The following SUGCT variants were observed in gnomAD, a reference collection of about 807,000 sequenced individuals.
The protein encoded by SUGCT is succinyl-CoA:glutarate-CoA transferase, also known as succinyl-CoA:glutarate CoA-transferase.
SUGCT carries 41 observed loss-of-function variants against 55.0 expected under a neutral mutation model. The observed-to-expected ratio is 0.74, with a 90% CI of 0.58 to 0.97. SUGCT has a LOEUF of 0.97. SUGCT is among the 50% of genes least tolerant of loss of function. The pLI is 0.00. For missense variants in SUGCT, 568 were observed against 547.8 expected (o/e 1.04, Z -0.37); for synonymous variants, 187 against 200.4 (o/e 0.93, Z 0.56).
intron 12 of SUGCT, among the ~76,000 whole-genome samples, chr7:40,536,900 C>A (rs1794393589): frequency 6.6e-6 from 1 of 152,128 alleles, no homozygotes; most frequent in South Asian, 2.1e-4. Flanking sequence ...CTAAGTTATG[C>A]ACTGAATGGC....
At chr7:40,592,798 A>G (rs563354543) in intron 12 of SUGCT, among the ~76,000 whole-genome samples, 1 of 152,306 alleles carries the variant, frequency 6.6e-6, no homozygotes, top group African/African-American at 2.4e-5. Flanking sequence ...CCCATGATCA[A>G]GGAGGTAAAG....
intron 12 of SUGCT, among the ~76,000 whole-genome samples, chr7:40,501,543 T>C (rs954444613): frequency 6.6e-6 from 1 of 152,154 alleles, no homozygotes; most frequent in Non-Finnish European, 1.5e-5. Context: ...TTTGGACACA[T>C]TTTTTATGGA....
chr7:40,517,475 C>T (rs190668920), intron 12 of SUGCT, among the ~76,000 whole-genome samples: 1 of 152,156 alleles, frequency 6.6e-6, no homozygotes, highest in Admixed American at 6.5e-5. Context: ...ATAAAGTTTA[C>T]TGTGTTCTTT....
intron 12 of SUGCT, chr7:40,539,644 C>A (rs1794565297): frequency 6.6e-6 from 1 of 152,194 alleles, no homozygotes; most frequent in South Asian, 2.1e-4. Flanking sequence ...GGTGGCTCCT[C>A]TTCTTTGGAC....
At chr7:40,151,097 AGGCGTGGT>A (rs1008019505) in intron 1 of SUGCT, among the ~76,000 whole-genome samples, 2 of 151,800 alleles carry the variant, frequency 1.3e-5, no homozygotes, top group Non-Finnish European at 2.9e-5. Flanking sequence ...AAAATTAGCT[AGGCGTGGT>A]GGCGTGCACC....
At chr7:40,829,212 G>A (rs185218289) in intron 13 of SUGCT, among the ~76,000 whole-genome samples, 91 of 152,222 alleles carry the variant, frequency 6.0e-4, no homozygotes, top group Middle Eastern at 6.8e-3. Context: ...TCCTTAAATA[G>A]CATATAACGA....
chr7:40,784,736 G>T (rs1789932065), intron 13 of SUGCT, among the ~76,000 whole-genome samples: 1 of 152,154 alleles, frequency 6.6e-6, no homozygotes, highest in African/African-American at 2.4e-5. Context: ...GGACTGTGGA[G>T]AACTGGAAAG....
At chr7:40,415,589 A>C (rs1044774639) in intron 9 of SUGCT, among the ~76,000 whole-genome samples, 1 of 151,954 alleles carries the variant, frequency 6.6e-6, no homozygotes, top group East Asian at 1.9e-4. Flanking sequence ...AACCTTGAGT[A>C]AAAAGTCTCC....
chr7:40,135,196 G>C, intron 1 of SUGCT, 76 bp downstream of exon 1: 1 of 1,461,130 alleles, frequency 6.8e-7, no homozygotes. Flanking sequence ...CCTGAGGAGA[G>C]CAATTAGGGT....
chr7:40,735,950 G>A (rs2128699677), intron 12 of SUGCT, among the ~76,000 whole-genome samples: 1 of 151,882 alleles, frequency 6.6e-6, no homozygotes, highest in East Asian at 1.9e-4. Context: ...GTGCCCTTAA[G>A]CACTTAGAAA....
chr7:40,139,731 T>A (rs1305787544), intron 1 of SUGCT, among the ~76,000 whole-genome samples: 1 of 152,168 alleles, frequency 6.6e-6, no homozygotes, highest in Non-Finnish European at 1.5e-5. Flanking sequence ...GCTTTTTAGT[T>A]TAATGAAGTT....
chr7:40,251,249 T>C (rs1471116716), intron 7 of SUGCT, among the ~76,000 whole-genome samples: 3 of 152,204 alleles, frequency 2.0e-5, no homozygotes, highest in African/African-American at 7.2e-5. Flanking sequence ...ACTTCCCAAT[T>C]GCTGCTAATT....
At chr7:40,551,235 G>A (rs923509495) in intron 12 of SUGCT, among the ~76,000 whole-genome samples, 1 of 152,180 alleles carries the variant, frequency 6.6e-6, no homozygotes, top group Non-Finnish European at 1.5e-5. Context: ...CTTAGTGACG[G>A]TTTTGGCCTT....
intron 12 of SUGCT, among the ~76,000 whole-genome samples, chr7:40,747,334 G>A (rs1787785246): frequency 6.6e-6 from 1 of 152,154 alleles, no homozygotes; most frequent in Non-Finnish European, 1.5e-5. Context: ...AAGGTCACCC[G>A]TGAAGTTGTC....
chr7:40,299,845 A>G (rs1448548003), intron 8 of SUGCT, among the ~76,000 whole-genome samples: 1 of 152,154 alleles, frequency 6.6e-6, no homozygotes, highest in African/African-American at 2.4e-5. Flanking sequence ...TTTTTTACAC[A>G]TGAAAATGTA....
intron 8 of SUGCT, among the ~76,000 whole-genome samples, chr7:40,312,254 TG>T (rs753642977): frequency 1.1e-4 from 16 of 152,112 alleles, no homozygotes; most frequent in Non-Finnish European, 2.2e-4. Context: ...TTGGTTAGGC[TG>T]GTCTCGAACT....
intron 8 of SUGCT, among the ~76,000 whole-genome samples, chr7:40,309,522 T>G (rs1202419567): frequency 2.6e-5 from 4 of 152,326 alleles, no homozygotes; most frequent in African/African-American, 9.6e-5. Flanking sequence ...CTTGAATTCC[T>G]GACCTCAAGT....
At chr7:40,269,068 T>C (rs1477613849) in intron 7 of SUGCT, among the ~76,000 whole-genome samples, 5 of 152,212 alleles carry the variant, frequency 3.3e-5, no homozygotes, top group African/African-American at 9.6e-5. Flanking sequence ...GTCCCACCAA[T>C]AGTACATGAA....
At chr7:40,139,926 G>A (rs1013259287) in intron 1 of SUGCT, among the ~76,000 whole-genome samples, 13 of 151,332 alleles carry the variant, frequency 8.6e-5, no homozygotes, top group African/African-American at 3.2e-4. Context: ...TTTTAAGATG[G>A]AGTTTCGCTT....
Sources: gnomAD v4.1 joint callset for allele counts (sites outside exome capture counted in the v4.1 genomes callset) on GRCh38, gnomAD v4.1.1 for gene constraint, MANE v1.5 for transcripts, NCBI Gene and HGNC (gene_info 2026-07-23, HGNC 2026-07-21) for gene names.